DAAM2: variants seen among roughly 807,000 people sequenced by gnomAD.
DAAM2 encodes the protein dishevelled associated activator of morphogenesis 2.
In DAAM2, 39 loss-of-function variants were observed where a neutral mutation model predicts 120.7. That is an observed-to-expected ratio of 0.32 (90% CI 0.25 to 0.42). DAAM2 has a LOEUF of 0.42. Ranked by LOEUF, DAAM2 falls within the 10% of genes least tolerant of loss-of-function variation. DAAM2 has a pLI of 1.00. For missense variants in DAAM2, 1,283 were observed against 1,401.7 expected, an observed-to-expected ratio of 0.92 and a Z score of 1.35; for synonymous variants, 488 against 524.9, an observed-to-expected ratio of 0.93 and a Z score of 0.96.
intron 17 of DAAM2, among the ~76,000 whole-genome samples, chr6:39,890,125 C>CA (rs35385585): frequency 0.49 from 73,535 of 149,372 alleles, 18,069 homozygotes; most frequent in East Asian, 0.6. Flanking sequence ...GAGACTCCAT[C>CA]AAAAAAAAAG....
In DAAM2 at chr6:39,868,873, G is replaced by A. The variant is rs374170617; in HGVS notation, c.813G>A (p.Val271=). Residue 271 remains valine, a synonymous_variant, in exon 7 of 25, where the codon GTG becomes GTA. Coordinates refer to ENST00000274867, the MANE Select transcript of DAAM2 (RefSeq NM_001201427.2). ...DRSLGRYRDE[V]NLKTAIMSFI... ...GTCTGGGCCGGTACCGGGATGAAGTGAATCTGAAAACAGCCATCATGTCCT... is the reference window on the plus strand; with the variant it reads ...GTCTGGGCCGGTACCGGGATGAAGTAAATCTGAAAACAGCCATCATGTCCT... 10 of 1,589,638 alleles carry A rather than the reference G, an allele frequency of 6.3e-6. No homozygotes were observed. The highest frequency in any genetic ancestry group is 4.0e-5 in the African/African-American group (3 of 74,402).
chr6:39,901,605 C>T lies in DAAM2; in HGVS notation c.2982+133C>T, dbSNP rs1766488751. The T allele has an allele frequency of 1.8e-6, 2 of 1,119,744 alleles. No homozygotes were observed. The highest frequency in any genetic ancestry group is 1.6e-5 in the South Asian group (1 of 62,110). The allele number at this position is 1,119,744 out of a possible 1,614,324, so 69.4% of individuals were successfully genotyped here. On this transcript the variant is annotated intron_variant, in intron 24 of 24. Coordinates refer to ENST00000274867, the MANE Select transcript of DAAM2 (RefSeq NM_001201427.2). This position sits in a 1 kb window ranked among gnomAD's most constrained non-coding sequence, Gnocchi z 4.5. ...AACACCATAGGGGTTGGATGTCAGC[C>T]CCAGGAGAGAGAAACTTCTTCCCAG...
At chr6:39,843,198 T>A (rs960433437) in intron 1 of DAAM2, among the ~76,000 whole-genome samples, 3 of 151,518 alleles carry the variant, frequency 2.0e-5, no homozygotes, top group Non-Finnish European at 4.4e-5. Flanking sequence ...GCGGGGGGAG[T>A]TGGAGATAAA....
At chr6:39,800,278 T>C (rs1319002892) in intron 1 of DAAM2, among the ~76,000 whole-genome samples, 2 of 152,086 alleles carry the variant, frequency 1.3e-5, no homozygotes, top group African/African-American at 4.8e-5. Flanking sequence ...CACCCTGGGG[T>C]GTGACTACCT....
intron 1 of DAAM2, among the ~76,000 whole-genome samples, chr6:39,814,594 C>T (rs1480740034): frequency 2.6e-5 from 4 of 152,266 alleles, no homozygotes; most frequent in East Asian, 1.9e-4. Context: ...GCAATTCAAA[C>T]GCGTTCATCT....
intron 1 of DAAM2, among the ~76,000 whole-genome samples, chr6:39,824,996 G>A (rs920436387): frequency 6.6e-6 from 1 of 152,178 alleles, no homozygotes; most frequent in African/African-American, 2.4e-5. Flanking sequence ...GACCTGGGGT[G>A]GCTTCAGAGG....
At chr6:39,856,152 A>C (rs1763992819) in intron 1 of DAAM2, 95 bp from the exon 2 acceptor site, 8 of 1,270,452 alleles carry the variant, frequency 6.3e-6, no homozygotes, top group East Asian at 6.3e-5. Flanking sequence ...GGCTCCCAGC[A>C]ACCTGTGGGA....
intron 6 of DAAM2, 109 bp downstream of exon 6, chr6:39,867,952 T>A: frequency 1.0e-6 from 1 of 997,224 alleles, no homozygotes; most frequent in Non-Finnish European, 1.5e-6. Flanking sequence ...AAAAGGAAAG[T>A]AATGTGGTCT....
Position 39,865,078 on chromosome 6 carries a change from A to G in DAAM2, c.428+4A>G. 6.6e-7 allele frequency: 1 copy of G among 1,514,248 alleles called. No homozygotes were observed. Among genetic ancestry groups the G allele is most frequent in the Non-Finnish European group, 9.1e-7 (1 of 1,099,826 alleles). The allele number at this position is 1,514,248 out of a possible 1,614,324, so 93.8% of individuals were successfully genotyped here. ...CCCTCCGGACACAGCCTATGAGGTA[A>G]TTCAGTTTCCCCCTCTTGCTTCCTG... On this transcript the variant is annotated splice_donor_region_variant and intron_variant, in intron 5 of 24. Coordinates refer to ENST00000274867, the MANE Select transcript of DAAM2 (RefSeq NM_001201427.2).
At position 39,861,101 on chromosome 6, in the gene DAAM2, C is replaced by A. The variant is rs180866605; in HGVS notation, c.258+84C>A. ...CTGCCTTGGCATGCTCATGCATTCA[C>A]CTGATGTTTATTACATGCCAGCCCT... On this transcript the variant is annotated intron_variant, in intron 3 of 24. Transcript: ENST00000274867. 627 of 994,032 alleles carry A rather than the reference C, an allele frequency of 6.3e-4. 3 individuals are homozygous for A. In the African/African-American group the frequency reaches 8.5e-3, roughly 13 times the overall value. 61.6% of individuals were successfully genotyped at this position (994,032 alleles called of 1,614,324 possible).
At chr6:39,817,090 G>T (rs1340723482) in intron 1 of DAAM2, among the ~76,000 whole-genome samples, 1 of 152,148 alleles carries the variant, frequency 6.6e-6, no homozygotes, top group Non-Finnish European at 1.5e-5. Context: ...CAGTGAGATC[G>T]CACCTTTGAT....
At chr6:39,896,775 G>GC (rs748252188) in intron 19 of DAAM2, 37 bp from the exon 20 acceptor site, 2 of 1,515,684 alleles carry the variant, frequency 1.3e-6, no homozygotes, top group South Asian at 2.6e-5. Flanking sequence ...GCCCTGCCTA[G>GC]CCCATGCAGG....
intron 15 of DAAM2, chr6:39,887,284 C>A: frequency 3.8e-6 from 2 of 528,012 alleles, no homozygotes; most frequent in Non-Finnish European, 3.4e-6. Flanking sequence ...TTCCCCAACC[C>A]ATTGGAGCCT....
At chr6:39,807,241 A>T (rs944237350) in intron 1 of DAAM2, among the ~76,000 whole-genome samples, 22 of 152,226 alleles carry the variant, frequency 1.4e-4, no homozygotes, top group African/African-American at 5.3e-4. Context: ...CTAGTGACAT[A>T]TAATCTCAGA....
chr6:39,795,239 C>T (rs1761665731), intron 1 of DAAM2, among the ~76,000 whole-genome samples: 1 of 152,140 alleles, frequency 6.6e-6, no homozygotes, highest in South Asian at 2.1e-4. Flanking sequence ...GTCCAGAGGG[C>T]AAACACAGCT....
rs1452476795 is a variant in DAAM2, at chr6:39,864,631, C to T, written c.333+124C>T. On this transcript the variant is annotated intron_variant, in intron 4 of 24. Transcript: ENST00000274867. ...TACTGCTCCTCAGCGCCCCACTGCC[C>T]ACTCACTGGAGTTCAGCAGCTTTCC... The T allele has an allele frequency of 5.2e-5, 38 of 735,890 alleles. No individual in the cohort carries two copies. In the East Asian group the frequency reaches 1.0e-3, roughly 20 times the overall value. The allele number at this position is 735,890 out of a possible 1,614,324, so 45.6% of individuals were successfully genotyped here.
chr6:39,817,388 C>T (rs1166449042), intron 1 of DAAM2, among the ~76,000 whole-genome samples: 1 of 152,172 alleles, frequency 6.6e-6, no homozygotes, highest in Non-Finnish European at 1.5e-5. Flanking sequence ...GTATTTCTTA[C>T]TCATGTTATC....
chr6:39,836,122 G>GC (rs1562014524), intron 1 of DAAM2, among the ~76,000 whole-genome samples: 1 of 152,124 alleles, frequency 6.6e-6, no homozygotes, highest in African/African-American at 2.4e-5. Flanking sequence ...TTAAATCCCA[G>GC]CCCCTCTGCC....
Position 39,867,850 on chromosome 6 carries a change from G to C in DAAM2, c.762+7G>C. On this transcript the variant is annotated splice_region_variant and intron_variant, in intron 6 of 24. Coordinates refer to ENST00000274867, the MANE Select transcript of DAAM2 (RefSeq NM_001201427.2). Reference sequence around the variant, plus strand: ...AGAGCGAACCCGCTTCCAGGTGAGGGGCCAGGCTGGAGGTGGGATGCCAGC... The same window carrying C: ...AGAGCGAACCCGCTTCCAGGTGAGGCGCCAGGCTGGAGGTGGGATGCCAGC... 1 of 1,562,892 alleles carries C rather than the reference G, an allele frequency of 6.4e-7. No individual in the cohort carries two copies. The highest frequency in any genetic ancestry group is 8.7e-7 in the Non-Finnish European group (1 of 1,155,902).
Sources: gnomAD v4.1 joint callset for allele counts (sites outside exome capture counted in the v4.1 genomes callset) on GRCh38, gnomAD v4.1.1 for gene constraint, Gnocchi (gnomAD v3.1) non-coding constraint, MANE v1.5 for transcripts, NCBI Gene and HGNC (gene_info 2026-07-23, HGNC 2026-07-21) for gene names.